Variants in SDAD1 observed in about 807,000 individuals in gnomAD.
SDAD1 encodes SDA1 domain containing 1.
SDAD1 carries 79 observed loss-of-function variants against 100.3 expected under a neutral mutation model. The ratio of observed to expected loss-of-function variants is 0.79; its 90% confidence interval spans 0.66 to 0.95. The LOEUF (loss-of-function observed/expected upper bound fraction) is 0.95. Among genes scored for constraint, SDAD1 ranks in the 40% least tolerant of loss-of-function variants. SDAD1 has a pLI of 0.00. For missense variants in SDAD1, 790 were observed against 810.9 expected, an observed-to-expected ratio of 0.97 and a Z score of 0.31; for synonymous variants, 267 against 271.4, an observed-to-expected ratio of 0.98 and a Z score of 0.16.
At chr4:75,971,556 G>T in intron 8 of SDAD1, 98 bp from the exon 9 acceptor site, 1 of 837,642 alleles carries the variant, frequency 1.2e-6, no homozygotes, top group Non-Finnish European at 2.0e-6. Context: ...TATACTCTTT[G>T]CACACAGCTA....
chr4:75,981,554 C>G, intron 2 of SDAD1, 84 bp from the exon 3 acceptor site: 2 of 1,587,464 alleles, frequency 1.3e-6, no homozygotes, highest in Non-Finnish European at 1.7e-6. Flanking sequence ...TTCTGCAAAA[C>G]GAGAGTAAAA....
chr4:75,981,883 A>G (rs10008757), intron 2 of SDAD1, 50 bp downstream of exon 2: 778,818 of 1,237,374 alleles, frequency 0.63, 250,213 homozygotes, highest in East Asian at 0.93. Context: ...AAAAACATTC[A>G]GCAAACTGTG....
intron 1 of SDAD1, among the ~76,000 whole-genome samples, 200 bp from the exon 2 acceptor site, chr4:75,982,237 TAA>T (rs1730571259): frequency 6.6e-6 from 1 of 152,230 alleles, no homozygotes; most frequent in Non-Finnish European, 1.5e-5. Flanking sequence ...ACATCACAGA[TAA>T]TCTAAAGAAC....
chr4:75,953,244 G>A (rs1728711574), intron 21 of SDAD1, among the ~76,000 whole-genome samples: 1 of 152,198 alleles, frequency 6.6e-6, no homozygotes, highest in South Asian at 2.1e-4. Flanking sequence ...GACTCGAGGT[G>A]CTTGAAAGGA....
chr4:75,970,353 T>A lies in SDAD1; in HGVS notation c.839A>T (p.Glu280Val). The A allele has an allele frequency of 6.2e-7, 1 of 1,613,806 alleles. No homozygotes were observed. Among genetic ancestry groups the A allele is most frequent in the African/African-American group, 1.3e-5 (1 of 75,052 alleles). The change falls in exon 10 of 22, where the codon GAG becomes GTG. Residue 280 changes from glutamate (E) to valine (V), a missense_variant. Glu to Val is a moderately radical substitution (Grantham distance 121). Transcript: ENST00000356260. Reference sequence around the variant, plus strand: ...GTGAATGGCTGAAAAGTTAAACACCTCTGGTTTTTTCTTCTTTTTTTGTTT... The same window carrying A: ...GTGAATGGCTGAAAAGTTAAACACCACTGGTTTTTTCTTCTTTTTTTGTTT... Reference protein sequence around the residue: ...LKKQKKKKKPEVFNFSAIHLI... With the variant: ...LKKQKKKKKPVVFNFSAIHLI...
At position 75,990,912 on chromosome 4, in the gene SDAD1, G is replaced by T. The variant is rs114686784; in HGVS notation, c.-71C>A. 1,837 of 1,578,110 alleles carry T rather than the reference G, an allele frequency of 1.2e-3. 32 individuals are homozygous for T. In the African/African-American group the frequency reaches 0.022, roughly 19 times the overall value. On this transcript the variant is annotated 5_prime_UTR_variant, in exon 1 of 22. Coordinates refer to ENST00000356260, the MANE Select transcript of SDAD1 (RefSeq NM_018115.4). ...AGACGGCCGGCACCCCGCAATCCCT[G>T]CCAGCTGCAGCTTGGACTCGTGTTT...
At position 75,961,212 on chromosome 4, in the gene SDAD1, C is replaced by T; in HGVS notation, c.1278G>A (p.Lys426=). 6.2e-7 allele frequency: 1 copy of T among 1,613,654 alleles called. No homozygotes were observed. The highest frequency in any genetic ancestry group is 8.5e-7 in the Non-Finnish European group (1 of 1,179,620). The change falls in exon 15 of 22, where the codon AAG becomes AAA. Residue 426 remains lysine (K), a splice_region_variant and synonymous_variant. Coordinates refer to ENST00000356260, the MANE Select transcript of SDAD1 (RefSeq NM_018115.4). ...DLAQYKTHKD[K]NVMMSARTLI... ...TGTAGAGAGTAACATGCAGCTTACT[C>T]TTATCCTTGTGTGTTTTATACTGAG...
At chr4:75,952,620 G>A (rs1166970790) in intron 21 of SDAD1, among the ~76,000 whole-genome samples, 1 of 152,132 alleles carries the variant, frequency 6.6e-6, no homozygotes, top group African/African-American at 2.4e-5. Context: ...ATCACCAAAG[G>A]GTAGGGGGGT....
rs758946115 is a variant in SDAD1 at position 75,973,325 on chromosome 4, C to T, written c.703G>A (p.Glu235Lys). The change falls in exon 8 of 22, where the codon GAA becomes AAA. Residue 235 changes from glutamate to lysine, a missense_variant. Physicochemically the swap from Glu to Lys is moderately conservative, Grantham distance 56 (BLOSUM62 1). Transcript: ENST00000356260. ...DEDEKQDSDS[E>K]SEDDGPTARD... ...GCTATGATTAAACTAACCTCAGATT[C>T]GGAGTCACTGTCCTGTTTTTCATCT... 6.8e-6 allele frequency: 11 copies of T among 1,612,724 alleles called. No homozygotes were observed. In the South Asian group the frequency reaches 7.7e-5, roughly 11 times the overall value.
rs745465909 is a variant in SDAD1, at chr4:75,974,107, A to G, written c.605T>C (p.Ile202Thr). 1.8e-5 allele frequency: 29 copies of G among 1,613,774 alleles called. No homozygotes were observed. In the Admixed American group the frequency reaches 4.3e-4, roughly 24 times the overall value. ...GACCTTAGAGAAACATGCAGTTGTG[A>G]TAACATTGACAGTTTTTGCATCATT... The part of the protein sequence containing the change: ...IWNDAKTVNV[I>T]TTACFSKVTK... The change falls in exon 7 of 22, where the codon ATC (isoleucine) becomes ACC (threonine). Residue 202 changes from isoleucine (I) to threonine (T), a missense_variant. Transcript: ENST00000356260.
intron 8 of SDAD1, among the ~76,000 whole-genome samples, chr4:75,971,686 C>T (rs1485852828): frequency 1.3e-5 from 2 of 152,104 alleles, no homozygotes; most frequent in Non-Finnish European, 2.9e-5. Flanking sequence ...GCCTGGCCAA[C>T]ATAGCAAAAC....
Position 75,975,802 on chromosome 4 carries a change from C to T in SDAD1, c.520G>A (p.Ala174Thr), listed in dbSNP as rs775812727. Residue 174 changes from alanine (A) to threonine (T), a missense_variant, in exon 6 of 22, where the codon GCA becomes ACA. By Grantham distance (58) the Ala-to-Thr change is moderately conservative (BLOSUM62 0). Coordinates refer to ENST00000356260, the MANE Select transcript of SDAD1 (RefSeq NM_018115.4). ...FMYTMLRDSN[A>T]TAAKMSLDVM... ...TCTAAAGACATCTTGGCTGCGGTTG[C>T]ATTGCTATCTCTTAACATGGTGTAC... The T allele has an allele frequency of 6.2e-7, 1 of 1,614,012 alleles. No homozygotes were observed. Among genetic ancestry groups the T allele is most frequent in the Admixed American group, 1.7e-5 (1 of 60,028 alleles).
chr4:75,966,656 A>T (rs1275427900), intron 12 of SDAD1, among the ~76,000 whole-genome samples: 1 of 152,232 alleles, frequency 6.6e-6, no homozygotes, highest in Non-Finnish European at 1.5e-5. Flanking sequence ...ATCAAATCTT[A>T]ATATCTATTA....
chr4:75,969,445 A>T (rs1435265659), intron 10 of SDAD1, 46 bp from the exon 11 acceptor site: 1 of 1,302,894 alleles, frequency 7.7e-7, no homozygotes, highest in Admixed American at 1.7e-5. Flanking sequence ...TCTATGGTCT[A>T]TGTGACATTT....
chr4:75,981,315 T>C (rs143969008), intron 3 of SDAD1, 57 bp downstream of exon 3: 9 of 1,468,880 alleles, frequency 6.1e-6, no homozygotes, highest in African/African-American at 2.8e-5. Context: ...TTTAAATATA[T>C]ATGAACGCAG....
chr4:75,954,430 T>TGG (rs1222768809), intron 21 of SDAD1, among the ~76,000 whole-genome samples: 1 of 149,760 alleles, frequency 6.7e-6, no homozygotes, highest in Non-Finnish European at 1.5e-5. Flanking sequence ...CCTAGCGCTA[T>TGG]GGGAGGCTGA....
chr4:75,954,713 G>A (rs1728795224), intron 21 of SDAD1, among the ~76,000 whole-genome samples: 1 of 152,190 alleles, frequency 6.6e-6, no homozygotes, highest in Admixed American at 6.5e-5. Context: ...GCCAGAATGA[G>A]CCAACAGCAC....
chr4:75,989,791 G>A (rs1252076161), intron 1 of SDAD1, among the ~76,000 whole-genome samples: 2 of 152,160 alleles, frequency 1.3e-5, no homozygotes, highest in African/African-American at 2.4e-5. Context: ...CCTTGGAGAG[G>A]CTTTCTCTAC....
intron 14 of SDAD1, among the ~76,000 whole-genome samples, 197 bp from the exon 15 acceptor site, chr4:75,961,505 T>A (rs1729227960): frequency 6.6e-6 from 1 of 152,126 alleles, no homozygotes; most frequent in Admixed American, 6.6e-5. Context: ...TTACTGCCAT[T>A]TCCTCTACTG....
Sources: allele counts gnomAD v4.1 joint callset (sites outside exome capture counted in the v4.1 genomes callset), GRCh38; gene constraint gnomAD v4.1.1; transcripts MANE v1.5; gene names NCBI Gene and HGNC (gene_info 2026-07-23, HGNC 2026-07-21).